The following SEMA3F variants were observed in gnomAD, a reference collection of about 807,000 sequenced individuals.
SEMA3F encodes semaphorin 3F.
SEMA3F carries 30 observed loss-of-function variants against 98.5 expected under a neutral mutation model. The ratio of observed to expected loss-of-function variants is 0.30; its 90% confidence interval spans 0.23 to 0.41. The LOEUF (loss-of-function observed/expected upper bound fraction) is 0.41, where lower values mean the gene tolerates loss of function less well. Among genes scored for constraint, SEMA3F ranks in the 10% least tolerant of loss-of-function variants. SEMA3F has a pLI of 1.00. For missense variants in SEMA3F, 866 were observed against 1,119.3 expected (o/e 0.77, Z 3.23); for synonymous variants, 380 against 444.8 (o/e 0.85, Z 1.83).
chr3:50,182,647 C>G lies in SEMA3F; in HGVS notation c.767C>G (p.Pro256Arg), dbSNP rs1699055937. The change falls in exon 9 of 19, where the codon CCG becomes CGG. Residue 256 changes from proline to arginine, a missense_variant. This residue lies in a region of SEMA3F where 374 missense variants were observed against 582.8 expected (regional missense o/e 0.64). Transcript: ENST00000002829. This position sits in a 1 kb window ranked among gnomAD's most constrained non-coding sequence, Gnocchi z 4.5. The stretch of plus-strand genomic sequence containing the variant: ...AGCTGACCCCTGCCACCTGCAGACC[C>G]GTCGTTCATCCATGCTGAGCTCATT... ...DQYNSRWLND[P>R]SFIHAELIPD... 1 of 1,611,402 alleles carries G rather than the reference C, an allele frequency of 6.2e-7. No individual in the cohort carries two copies. The highest frequency in any genetic ancestry group is 8.5e-7 in the Non-Finnish European group (1 of 1,178,298).
chr3:50,174,461 C>A, intron 5 of SEMA3F, 111 bp downstream of exon 5: 1 of 1,351,050 alleles, frequency 7.4e-7, no homozygotes, highest in Non-Finnish European at 1.0e-6. Context: ...AGCCTTTTGA[C>A]CTTGGGTGAG....
At chr3:50,184,319 A>C in intron 12 of SEMA3F, 1 of 504,312 alleles carries the variant, frequency 2.0e-6, no homozygotes. Context: ...GGGGAGGGGG[A>C]CATGGAAGGG....
rs369472348 is a variant in SEMA3F, at chr3:50,182,729, G to A, written c.849G>A (p.Ser283=). Residue 283 remains serine (S), a synonymous_variant, in exon 9 of 19, where the codon TCG becomes TCA. Coordinates refer to ENST00000002829, the MANE Select transcript of SEMA3F (RefSeq NM_004186.5). This position sits in a 1 kb window ranked among gnomAD's most constrained non-coding sequence, Gnocchi z 4.5. ...DKLYFFFRER[S]AEAPQSPAVY... ...TTTACTTCTTCTTCCGTGAGCGGTC[G>A]GCAGAGGCGCCGCAGAGCCCCGCGG... 25 of 1,613,272 alleles carry A rather than the reference G, an allele frequency of 1.5e-5. No individual in the cohort carries two copies. Among genetic ancestry groups the A allele is most frequent in the Middle Eastern group, 1.6e-4 (1 of 6,084 alleles).
At chr3:50,186,591 C>G (rs753374409) in intron 17 of SEMA3F, 22 bp from the exon 18 acceptor site, 33 of 1,577,052 alleles carry the variant, frequency 2.1e-5, no homozygotes, top group Middle Eastern at 1.7e-4. Context: ...GCTGCTTTTG[C>G]TCAACCCCTC....
chr3:50,175,899 C>T (rs1011897408), intron 6 of SEMA3F, among the ~76,000 whole-genome samples: 7 of 152,088 alleles, frequency 4.6e-5, no homozygotes, highest in South Asian at 2.1e-4. Context: ...CAGGAAGTCA[C>T]GTGTGCAGTG....
rs1278416489 is a variant in SEMA3F at position 50,175,184 on chromosome 3, G to C, written c.545G>C (p.Arg182Pro). The change falls in exon 6 of 19, where the codon CGC becomes CCC. Residue 182 changes from arginine to proline, a missense_variant. Arg to Pro is a moderately radical substitution (Grantham distance 103, BLOSUM62 -2). Around this residue, in one of 3 missense-constraint regions of SEMA3F, gnomAD observed 247 missense variants for 276.0 expected, o/e 0.89. Transcript: ENST00000002829. Reference protein sequence around the residue: ...GALRPMPTAPRQDYIFYLEPE... With the variant: ...GALRPMPTAPPQDYIFYLEPE... ...CTCCGCCCGATGCCCACAGCCCCAC[G>C]CCAGGTGGGCCTCATCCCTCCAGGC... The C allele has an allele frequency of 2.5e-6, 4 of 1,588,264 alleles. No homozygotes were observed. The South Asian group carries it at 4.6e-5, about 18-fold the overall frequency.
At chr3:50,169,171 G>C (rs1395139904) in intron 2 of SEMA3F, among the ~76,000 whole-genome samples, 1 of 152,232 alleles carries the variant, frequency 6.6e-6, no homozygotes, top group African/African-American at 2.4e-5. Context: ...GAGACCAGCA[G>C]CAAGGGGTAG....
upstream of SEMA3F, chr3:50,155,176 C>A (rs1379048746): frequency 2.9e-6 from 1 of 344,352 alleles, no homozygotes; most frequent in Non-Finnish European, 5.2e-6. The surrounding 1 kb of genome is among the most constrained non-coding windows in gnomAD (Gnocchi z 4.9). Flanking sequence ...TGCAGCCCAG[C>A]GCGGCCGCCC....
chr3:50,159,072 C>T (rs1204654081), intron 1 of SEMA3F: 13 of 153,024 alleles, frequency 8.5e-5, no homozygotes, highest in African/African-American at 3.1e-4. Context: ...GTCTCATTCC[C>T]CCACTCTCTC....
chr3:50,186,742 G>A lies in SEMA3F; in HGVS notation c.1943G>A (p.Arg648Gln), dbSNP rs780169693. 5.0e-6 allele frequency: 8 copies of A among 1,599,054 alleles called. No homozygotes were observed. The highest frequency in any genetic ancestry group is 1.7e-5 in the Admixed American group (1 of 59,358). The change falls in exon 18 of 19, where the codon CGA becomes CAA. Residue 648 changes from arginine (R) to glutamine (Q), a missense_variant. Arg to Gln is a conservative substitution (Grantham distance 43). This residue lies in a region of SEMA3F where 245 missense variants were observed against 260.5 expected (regional missense o/e 0.94). Transcript: ENST00000002829. ...CAGCGAGATCCTGGTGACCGGCGCC[G>A]AGAGGTGAGTTCCTGCGCCCGGTGC... ...LFQRDPGDRR[R>Q]EIRAEDRFLR...
At position 50,186,738 on chromosome 3, in the gene SEMA3F, C is replaced by T. The variant is rs1575411276; in HGVS notation, c.1939C>T (p.Arg647Cys). 4 of 1,599,512 alleles carry T rather than the reference C, an allele frequency of 2.5e-6. No homozygotes were observed. The highest frequency in any genetic ancestry group is 2.6e-6 in the Non-Finnish European group (3 of 1,168,716). The change falls in exon 18 of 19, where the codon CGC (arginine) becomes TGC (cysteine). Residue 647 changes from arginine to cysteine, a missense_variant. Around this residue, in one of 3 missense-constraint regions of SEMA3F, gnomAD observed 245 missense variants for 260.5 expected, o/e 0.94. Coordinates refer to ENST00000002829, the MANE Select transcript of SEMA3F (RefSeq NM_004186.5). ...GTTCCAGCGAGATCCTGGTGACCGG[C>T]GCCGAGAGGTGAGTTCCTGCGCCCG... ...WLFQRDPGDR[R>C]REIRAEDRFL...
At chr3:50,175,946 G>A (rs546670290) in intron 6 of SEMA3F, among the ~76,000 whole-genome samples, 54 of 152,156 alleles carry the variant, frequency 3.5e-4, no homozygotes, top group African/African-American at 1.2e-3. Context: ...CCTTCCCATC[G>A]CCATCCTGCC....
rs745661919 is a variant in SEMA3F, at chr3:50,173,928, A to G, written c.248A>G (p.His83Arg). ...SKDYVLSLDL[H>R]DINREPLIIH... Reference sequence around the variant, plus strand: ...GACTACGTGCTGTCCCTGGACCTGCACGACATCAACCGCGAGCCCCTCATT... The same window carrying G: ...GACTACGTGCTGTCCCTGGACCTGCGCGACATCAACCGCGAGCCCCTCATT... The change falls in exon 3 of 19, where the codon CAC (histidine) becomes CGC (arginine). Residue 83 changes from histidine to arginine, a missense_variant. Physicochemically the swap from His to Arg is conservative, Grantham distance 29. Around this residue, in one of 3 missense-constraint regions of SEMA3F, gnomAD observed 247 missense variants for 276.0 expected, o/e 0.89. Transcript: ENST00000002829. 4 of 1,614,022 alleles carry G rather than the reference A, an allele frequency of 2.5e-6. No homozygotes were observed. In the East Asian group the frequency reaches 6.7e-5, roughly 27 times the overall value.
Position 50,182,691 on chromosome 3 carries a change from A to G in SEMA3F, c.811A>G (p.Asn271Asp). 1 of 1,613,698 alleles carries G rather than the reference A, an allele frequency of 6.2e-7. No individual in the cohort carries two copies. The highest frequency in any genetic ancestry group is 8.5e-7 in the Non-Finnish European group (1 of 1,180,012). The part of the protein sequence containing the change: ...AELIPDSAER[N>D]DDKLYFFFRE... The stretch of plus-strand genomic sequence containing the variant: ...GCTCATTCCTGACAGTGCGGAGCGC[A>G]ATGATGATAAGCTTTACTTCTTCTT... Residue 271 changes from asparagine to aspartate, a missense_variant, in exon 9 of 19, where the codon AAT becomes GAT. This residue lies in a region of SEMA3F where 374 missense variants were observed against 582.8 expected (regional missense o/e 0.64). Coordinates refer to ENST00000002829, the MANE Select transcript of SEMA3F (RefSeq NM_004186.5). The surrounding 1 kb of genome is among the most constrained non-coding windows in gnomAD (Gnocchi z 4.5).
intron 7 of SEMA3F, among the ~76,000 whole-genome samples, chr3:50,177,445 G>A (rs1648674332): frequency 6.6e-6 from 1 of 152,206 alleles, no homozygotes; most frequent in African/African-American, 2.4e-5. Flanking sequence ...CCTGGCTCAT[G>A]CACGCTGCCT....
rs1001712688 is a variant in SEMA3F at position 50,186,329 on chromosome 3, C to T, written c.1794C>T (p.Cys598=). 1 of 1,613,798 alleles carries T rather than the reference C, an allele frequency of 6.2e-7. No homozygotes were observed. Among genetic ancestry groups the T allele is most frequent in the Admixed American group, 1.7e-5 (1 of 60,004 alleles). ...GGCACGGAAACCCCATCAGGCAGTGCCGTGGGTTCAACTCCAATGGTGAGT... is the reference window on the plus strand; with the variant it reads ...GGCACGGAAACCCCATCAGGCAGTGTCGTGGGTTCAACTCCAATGGTGAGT... ...DVRHGNPIRQ[C]RGFNSNANKN... The change falls in exon 17 of 19, where the codon TGC becomes TGT. Residue 598 remains cysteine (C), a synonymous_variant. Coordinates refer to ENST00000002829, the MANE Select transcript of SEMA3F (RefSeq NM_004186.5).
rs1218781030 is a variant in SEMA3F at position 50,188,045 on chromosome 3, C to T, written c.2288C>T (p.Ala763Val). 2 of 1,591,048 alleles carry T rather than the reference C, an allele frequency of 1.3e-6. No individual in the cohort carries two copies. The highest frequency in any genetic ancestry group is 1.1e-5 in the South Asian group (1 of 88,232). The change falls in exon 19 of 19, where the codon GCA becomes GTA. Residue 763 changes from alanine to valine, a missense_variant. Transcript: ENST00000002829. This position sits in a 1 kb window ranked among gnomAD's most constrained non-coding sequence, Gnocchi z 4.5. ...VPPSPREAPG[A>V]PRSPEPQDQK... ...CCCAGCCCCAGGGAGGCTCCAGGGGCACCCCGGTCTCCTGAGCCCCAGGAC... is the reference window on the plus strand; with the variant it reads ...CCCAGCCCCAGGGAGGCTCCAGGGGTACCCCGGTCTCCTGAGCCCCAGGAC...
intron 2 of SEMA3F, among the ~76,000 whole-genome samples, chr3:50,168,048 G>A (rs1274923393): frequency 6.6e-6 from 1 of 152,226 alleles, no homozygotes; most frequent in Non-Finnish European, 1.5e-5. Context: ...ACCATAATTA[G>A]TTGCTAATTG....
Position 50,183,038 on chromosome 3 carries a change from G to A in SEMA3F, c.1018+20G>A. On this transcript the variant is annotated intron_variant, in intron 10 of 18. Coordinates refer to ENST00000002829, the MANE Select transcript of SEMA3F (RefSeq NM_004186.5). Reference sequence around the variant, plus strand: ...AGCTCCGTGAGTGCCCAGCAGGCAGGCAGGGTGCTCTGGCTACAGCAAGAG... The same window carrying A: ...AGCTCCGTGAGTGCCCAGCAGGCAGACAGGGTGCTCTGGCTACAGCAAGAG... 1 of 1,604,620 alleles carries A rather than the reference G, an allele frequency of 6.2e-7. No individual in the cohort carries two copies. The highest frequency in any genetic ancestry group is 1.1e-5 in the South Asian group (1 of 90,878).
Sources: allele counts gnomAD v4.1 joint callset (sites outside exome capture counted in the v4.1 genomes callset), GRCh38; gene constraint gnomAD v4.1.1; regional missense constraint gnomAD v4.1.1; non-coding constraint Gnocchi (gnomAD v3.1); transcripts MANE v1.5; gene names NCBI Gene and HGNC (gene_info 2026-07-23, HGNC 2026-07-21).